Variants in EPHA5 observed in about 807,000 individuals in gnomAD.
The protein encoded by EPHA5 is EPH receptor A5.
Under a neutral mutation model 105.0 loss-of-function variants are expected in EPHA5, and 60 were observed. That is an observed-to-expected ratio of 0.57 (90% confidence interval 0.46 to 0.71). The LOEUF (loss-of-function observed/expected upper bound fraction) is 0.71. EPHA5 is among the 30% of genes least tolerant of loss of function. The probability of loss-of-function intolerance (pLI) is 0.00; values close to 1 mark genes in which losing one functional copy is unlikely to be tolerated. For synonymous variants in EPHA5, 513 were observed against 449.1 expected (o/e 1.14, Z -1.80); for missense variants, 1,218 against 1,274.7 (o/e 0.96, Z 0.68).
At chr4:65,425,626 A>T (rs1394175761) in intron 5 of EPHA5, among the ~76,000 whole-genome samples, 1 of 151,700 alleles carries the variant, frequency 6.6e-6, no homozygotes, top group African/African-American at 2.4e-5. Flanking sequence ...TTACTATTTT[A>T]AAAATAATAA....
chr4:65,495,487 G>T lies in EPHA5; in HGVS notation c.967C>A (p.Pro323Thr), dbSNP rs141630624. 10 of 1,613,782 alleles carry T rather than the reference G, an allele frequency of 6.2e-6. No homozygotes were observed. In the African/African-American group the frequency reaches 1.3e-4, roughly 22 times the overall value. The change falls in exon 4 of 17, where the codon CCA becomes ACA. Residue 323 changes from proline (P) to threonine (T), a missense_variant. By Grantham distance (38) the Pro-to-Thr change is conservative. Transcript: ENST00000613740. The stretch of plus-strand genomic sequence containing the variant: ...TCCTCATGGGTATAACTGTGAGGTG[G>T]ACATTTGCCGCAGCTCTGGATGTGA... ...SPHIQSCGKC[P>T]PHSYTHEEAS...
At chr4:65,554,677 A>G (rs925591798) in intron 3 of EPHA5, among the ~76,000 whole-genome samples, 2 of 151,882 alleles carry the variant, frequency 1.3e-5, no homozygotes, top group Admixed American at 6.6e-5. Flanking sequence ...TGGCCAATGA[A>G]TGTCTCCATC....
intron 3 of EPHA5, among the ~76,000 whole-genome samples, chr4:65,600,847 G>A (rs1443989391): frequency 6.6e-6 from 1 of 152,034 alleles, no homozygotes; most frequent in Admixed American, 6.6e-5. Context: ...GAAAGCCATT[G>A]ACAAATTTCC....
chr4:65,468,694 T>C (rs188384700), intron 5 of EPHA5, among the ~76,000 whole-genome samples: 1 of 138,904 alleles, frequency 7.2e-6, no homozygotes, highest in East Asian at 2.0e-4. Context: ...ATATATAAAA[T>C]ATATATATAT....
At chr4:65,331,350 T>C (rs1441110744) in intron 16 of EPHA5, 1 of 1,038,462 alleles carries the variant, frequency 9.6e-7, no homozygotes, top group Admixed American at 5.6e-5. Flanking sequence ...GATTTTTATT[T>C]AATAAGGTTT....
At chr4:65,446,364 C>T (rs1726531699) in intron 5 of EPHA5, among the ~76,000 whole-genome samples, 1 of 152,108 alleles carries the variant, frequency 6.6e-6, no homozygotes, top group Admixed American at 6.6e-5. Flanking sequence ...AATAAATATG[C>T]TTTTTCCTGT....
chr4:65,583,050 G>T (rs1360362651), intron 3 of EPHA5, among the ~76,000 whole-genome samples: 3 of 151,526 alleles, frequency 2.0e-5, no homozygotes, highest in Non-Finnish European at 4.4e-5. Flanking sequence ...CAATAGGTAT[G>T]TATTCTTACT....
intron 3 of EPHA5, among the ~76,000 whole-genome samples, chr4:65,512,628 T>A (rs1047814841): frequency 1.3e-5 from 2 of 152,112 alleles, no homozygotes; most frequent in Non-Finnish European, 2.9e-5. Flanking sequence ...GATTGTAAGT[T>A]TTCTGAGGAC....
At position 65,451,105 on chromosome 4, in the gene EPHA5, C is replaced by A. The variant is rs115653526; in HGVS notation, c.1403-30540G>T. Among the ~76,000 whole-genome samples the A allele has an allele frequency of 3.0e-3, 456 of 152,244 alleles. 4 individuals carry two copies. The highest frequency in any genetic ancestry group is 0.01 in the African/African-American group (430 of 41,560). On this transcript the variant is annotated intron_variant, in intron 5 of 16. Transcript: ENST00000613740. Reference sequence around the variant, plus strand: ...GACTGTTGAGAAGTGCCCATTGTTACATGATAAAGCTGCCTCACAGAACAG... The same window carrying A: ...GACTGTTGAGAAGTGCCCATTGTTAAATGATAAAGCTGCCTCACAGAACAG...
At chr4:65,469,669 A>T (rs953443135) in intron 5 of EPHA5, among the ~76,000 whole-genome samples, 1 of 152,192 alleles carries the variant, frequency 6.6e-6, no homozygotes, top group African/African-American at 2.4e-5. Context: ...TCTGTTTCTA[A>T]TTTAACACAA....
intron 3 of EPHA5, among the ~76,000 whole-genome samples, chr4:65,512,836 C>G (rs868323139): frequency 1.3e-5 from 2 of 151,998 alleles, no homozygotes; most frequent in Admixed American, 6.6e-5. Context: ...ACCAAGATAT[C>G]ATCAACATGA....
chr4:65,516,146 A>G (rs186711670), intron 3 of EPHA5, among the ~76,000 whole-genome samples: 1 of 152,302 alleles, frequency 6.6e-6, no homozygotes, highest in Admixed American at 6.5e-5. Flanking sequence ...CGACCAGCAT[A>G]CAGTCTAAAA....
rs1344787733 is a variant in EPHA5 at position 65,495,445 on chromosome 4, C to A, written c.1009G>T (p.Val337Phe). Residue 337 changes from valine to phenylalanine, a missense_variant, in exon 4 of 17, where the codon GTC becomes TTC. By Grantham distance (50) the Val-to-Phe change is conservative. This residue lies in a region of EPHA5 where 971 missense variants were observed against 1,013.5 expected (regional missense o/e 0.96). Coordinates refer to ENST00000613740, the MANE Select transcript of EPHA5 (RefSeq NM_001281766.3). ...YTHEEASTSC[V>F]CEKDYFRRES... ...CTCCTGAAATAATCCTTTTCACAGA[C>A]ACAAGAGGTTGAAGCTTCCTCATGG... The A allele has an allele frequency of 6.2e-7, 1 of 1,613,730 alleles. No individual in the cohort carries two copies. The highest frequency in any genetic ancestry group is 8.5e-7 in the Non-Finnish European group (1 of 1,179,844).
At chr4:65,364,018 T>C (rs1717603053) in intron 11 of EPHA5, among the ~76,000 whole-genome samples, 1 of 151,552 alleles carries the variant, frequency 6.6e-6, no homozygotes, top group Non-Finnish European at 1.5e-5. Flanking sequence ...CTTTAGCAAT[T>C]TACACTTTTC....
chr4:65,437,510 A>G (rs893837042), intron 5 of EPHA5, among the ~76,000 whole-genome samples: 7 of 152,080 alleles, frequency 4.6e-5, no homozygotes, highest in Non-Finnish European at 1.0e-4. Flanking sequence ...TGTACAATTG[A>G]CCATATCTTC....
intron 3 of EPHA5, among the ~76,000 whole-genome samples, chr4:65,495,971 T>C (rs1025076030): frequency 1.3e-5 from 2 of 152,194 alleles, no homozygotes; most frequent in Non-Finnish European, 2.9e-5. Context: ...AATTGTGTTA[T>C]TGAATAATAA....
Position 65,321,717 on chromosome 4 carries a change from T to C in EPHA5, c.*2397A>G, listed in dbSNP as rs1034533989. ...CTTTGTTAAAAAGAGAAAATCTATA[T>C]TGCAACTTAAAGTTCTAGTCATTTA... On this transcript the variant is annotated 3_prime_UTR_variant, in exon 17 of 17. Transcript: ENST00000613740. 1.7e-5 allele frequency: 4 copies of C among 228,646 alleles called. No homozygotes were observed. The highest frequency in any genetic ancestry group is 6.7e-5 in the African/African-American group (3 of 45,076). 14.2% of individuals were successfully genotyped at this position (228,646 alleles called of 1,614,324 possible).
intron 6 of EPHA5, among the ~76,000 whole-genome samples, chr4:65,420,153 G>GT (rs1256256401): frequency 6.6e-6 from 1 of 152,054 alleles, no homozygotes; most frequent in Non-Finnish European, 1.5e-5. Flanking sequence ...TTAAGTATTT[G>GT]TAACACTTTC....
chr4:65,662,575 A>AC (rs1749641851), intron 1 of EPHA5, among the ~76,000 whole-genome samples: 4 of 152,138 alleles, frequency 2.6e-5, no homozygotes, highest in African/African-American at 9.7e-5. Flanking sequence ...ATAGAAGGAA[A>AC]AAACAACAAC....
Sources: allele counts gnomAD v4.1 joint callset (sites outside exome capture counted in the v4.1 genomes callset), GRCh38; gene constraint gnomAD v4.1.1; regional missense constraint gnomAD v4.1.1; transcripts MANE v1.5; gene names NCBI Gene and HGNC (gene_info 2026-07-23, HGNC 2026-07-21).